Variants in PCCA observed in about 807,000 individuals in gnomAD.
PCCA encodes propionyl-CoA carboxylase alpha chain, mitochondrial.
Under a neutral mutation model 101.3 loss-of-function variants are expected in PCCA, and 74 were observed. The observed-to-expected ratio is 0.73, with a 90% confidence interval of 0.61 to 0.89. The LOEUF is 0.89. PCCA is among the 40% of genes least tolerant of loss of function. The pLI, the probability that PCCA is intolerant of heterozygous loss-of-function variation, is 0.00. For missense variants in PCCA, 891 were observed against 907.0 expected (o/e 0.98, Z 0.23); for synonymous variants, 294 against 313.6 (o/e 0.94, Z 0.66).
intron 6 of PCCA, among the ~76,000 whole-genome samples, chr13:100,208,509 C>T (rs1214837983): frequency 1.3e-5 from 2 of 152,160 alleles, no homozygotes; most frequent in African/African-American, 4.8e-5. Flanking sequence ...TATTTACCTT[C>T]AGTTCTTTAT....
intron 22 of PCCA, among the ~76,000 whole-genome samples, chr13:100,520,375 CG>C (rs1248960985): frequency 6.6e-6 from 1 of 152,118 alleles, no homozygotes; most frequent in Non-Finnish European, 1.5e-5. Context: ...TGGCCGGGCG[CG>C]GTGGCTCACG....
At chr13:100,247,877 T>G (rs1249403020) in intron 8 of PCCA, among the ~76,000 whole-genome samples, 1 of 152,208 alleles carries the variant, frequency 6.6e-6, no homozygotes, top group Admixed American at 6.5e-5. Context: ...TTCCAATTTT[T>G]CCTTGCTCGT....
At chr13:100,437,787 G>A (rs1270784772) in intron 20 of PCCA, among the ~76,000 whole-genome samples, 1 of 152,068 alleles carries the variant, frequency 6.6e-6, no homozygotes, top group Non-Finnish European at 1.5e-5. Context: ...TTCTGCCCCA[G>A]CCTCCCAAGT....
At chr13:100,198,970 C>G (rs982312918) in intron 6 of PCCA, among the ~76,000 whole-genome samples, 40 of 147,624 alleles carry the variant, frequency 2.7e-4, no homozygotes, top group Non-Finnish European at 1.2e-4. Context: ...GGCAAACTGG[C>G]TTGAGAAACA....
intron 22 of PCCA, among the ~76,000 whole-genome samples, chr13:100,518,284 C>T (rs1166600637): frequency 6.6e-6 from 1 of 152,326 alleles, no homozygotes; most frequent in African/African-American, 2.4e-5. Context: ...AAAAGTGTCA[C>T]ATAAATCGTA....
intron 19 of PCCA, among the ~76,000 whole-genome samples, chr13:100,422,135 CTTTT>C (rs1232975466): frequency 5.8e-5 from 4 of 68,776 alleles, no homozygotes; most frequent in Admixed American, 1.5e-4. Context: ...TTCTTTCTTT[CTTTT>C]TTTTTTTTTT....
intron 12 of PCCA, among the ~76,000 whole-genome samples, chr13:100,300,087 T>G (rs2065940919): frequency 6.6e-6 from 1 of 152,258 alleles, no homozygotes; most frequent in Non-Finnish European, 1.5e-5. Context: ...TAGAGGGTTT[T>G]TTTGCTAGTT....
chr13:100,287,212 A>G (rs990700184), intron 12 of PCCA, among the ~76,000 whole-genome samples: 1 of 151,928 alleles, frequency 6.6e-6, no homozygotes, highest in Non-Finnish European at 1.5e-5. Context: ...TTCATCTCCT[A>G]GCACCACACT....
At chr13:100,154,830 A>G in intron 4 of PCCA, 149 bp from the exon 5 acceptor site, 1 of 678,264 alleles carries the variant, frequency 1.5e-6, no homozygotes, top group South Asian at 1.7e-5. Context: ...TATTTGTTGC[A>G]TTGTTGCTTT....
At chr13:100,350,240 AT>A (rs2073098100) in intron 18 of PCCA, among the ~76,000 whole-genome samples, 1 of 152,196 alleles carries the variant, frequency 6.6e-6, no homozygotes, top group Non-Finnish European at 1.5e-5. Flanking sequence ...TAACACATTT[AT>A]ACGTCAATGA....
At chr13:100,435,127 C>T (rs905190218) in intron 20 of PCCA, among the ~76,000 whole-genome samples, 9 of 152,118 alleles carry the variant, frequency 5.9e-5, no homozygotes, top group Admixed American at 1.3e-4. Context: ...ATCAAGAAAA[C>T]GGGTTTAAAT....
chr13:100,126,720 T>C (rs1255374109), intron 4 of PCCA, among the ~76,000 whole-genome samples: 1 of 152,172 alleles, frequency 6.6e-6, no homozygotes, highest in Non-Finnish European at 1.5e-5. Context: ...TAAATTGAAA[T>C]GCAGCATAAA....
At chr13:100,281,009 G>GA (rs762799304) in intron 12 of PCCA, among the ~76,000 whole-genome samples, 32 of 151,588 alleles carry the variant, frequency 2.1e-4, no homozygotes, top group Non-Finnish European at 3.7e-4. Context: ...ACAACAACAA[G>GA]AAAAAACAGA....
At chr13:100,264,387 C>T (rs1296859662) in intron 10 of PCCA, among the ~76,000 whole-genome samples, 6 of 152,106 alleles carry the variant, frequency 3.9e-5, no homozygotes, top group Non-Finnish European at 1.5e-5. Context: ...GAGAATGTCC[C>T]ATCACACCAC....
At chr13:100,498,141 T>G (rs1455163862) in intron 21 of PCCA, among the ~76,000 whole-genome samples, 1 of 151,318 alleles carries the variant, frequency 6.6e-6, no homozygotes, top group Admixed American at 6.6e-5. Context: ...GTGCTGAGAT[T>G]ACAGGCGTGA....
chr13:100,409,436 GA>G (rs1031329402), intron 19 of PCCA, among the ~76,000 whole-genome samples: 1 of 151,978 alleles, frequency 6.6e-6, no homozygotes, highest in East Asian at 1.9e-4. Flanking sequence ...GGTGAAAAGG[GA>G]AAAAAAGGGG....
intron 7 of PCCA, among the ~76,000 whole-genome samples, chr13:100,217,964 A>G (rs951328851): frequency 3.3e-5 from 5 of 151,548 alleles, no homozygotes; most frequent in African/African-American, 1.2e-4. Context: ...AATGTCAGCT[A>G]CTCGGGAGGC....
intron 19 of PCCA, among the ~76,000 whole-genome samples, chr13:100,389,648 C>T (rs1002505525): frequency 6.6e-6 from 1 of 152,148 alleles, no homozygotes; most frequent in Non-Finnish European, 1.5e-5. Flanking sequence ...GAAAAACACA[C>T]ACACACCAAA....
In PCCA at chr13:100,470,771, A is replaced by G. The variant is rs1210428574; in HGVS notation, c.1899+21466A>G. ...CTACTCGGGAGGCTGAGGCGGGAGAATCGCTTGAACCCGGGAGGCGGAGGT... is the reference window on the plus strand; with the variant it reads ...CTACTCGGGAGGCTGAGGCGGGAGAGTCGCTTGAACCCGGGAGGCGGAGGT... On this transcript the variant is annotated intron_variant, in intron 21 of 23. Coordinates refer to ENST00000376285, the MANE Select transcript of PCCA (RefSeq NM_000282.4). Among the ~76,000 whole-genome samples, 5 of 152,216 alleles carry G rather than the reference A, an allele frequency of 3.3e-5. No homozygotes were observed. In the East Asian group the frequency reaches 9.6e-4, roughly 29 times the overall value.
Sources: gnomAD v4.1 joint callset for allele counts (sites outside exome capture counted in the v4.1 genomes callset) on GRCh38, gnomAD v4.1.1 for gene constraint, MANE v1.5 for transcripts, NCBI Gene and HGNC (gene_info 2026-07-23, HGNC 2026-07-21) for gene names.